Variants in ABCC3 observed in about 807,000 individuals in gnomAD.
The protein encoded by ABCC3 is ATP binding cassette subfamily C member 3.
Under a neutral mutation model 165.3 loss-of-function variants are expected in ABCC3, and 121 were observed. That is an observed-to-expected ratio of 0.73 (90% CI 0.63 to 0.85). The LOEUF is 0.85. ABCC3 is among the 40% of genes least tolerant of loss of function. ABCC3 has a pLI of 0.00. For missense variants in ABCC3, 1,869 were observed against 1,964.1 expected (o/e 0.95, Z 0.92); for synonymous variants, 733 against 810.1 (o/e 0.90, Z 1.62).
rs540393502 is a variant in ABCC3, at chr17:50,649,738, AAGAG to A, written c.46-6084_46-6081del. 2.3e-3 allele frequency among the ~76,000 whole-genome samples: 353 copies of A among 150,810 alleles called. 1 individual carries two copies. Among genetic ancestry groups the A allele is most frequent in the African/African-American group, 7.5e-3 (307 of 41,182 alleles). On this transcript the variant is annotated intron_variant, in intron 1 of 30. Transcript: ENST00000285238. Reference sequence around the variant, plus strand: ...GAAAGAAGGAAGGAAGGAAGGAAGAAAGAGAGAGAGAGAAAGGAAGGAAGGAAGG... The same window carrying A: ...GAAAGAAGGAAGGAAGGAAGGAAGAAAGAGAGAGAAAGGAAGGAAGGAAGG...
At chr17:50,635,181 G>A in intron 1 of ABCC3, 200 bp downstream of exon 1, 1 of 570,050 alleles carries the variant, frequency 1.8e-6, no homozygotes, top group Non-Finnish European at 2.9e-6. Flanking sequence ...CGCGGTGTCG[G>A]GGACCTGCCC....
chr17:50,676,367 A>G lies in ABCC3; in HGVS notation c.3157A>G (p.Ile1053Val). 6.2e-7 allele frequency: 1 copy of G among 1,614,040 alleles called. No homozygotes were observed. The highest frequency in any genetic ancestry group is 2.2e-5 in the East Asian group (1 of 44,882). Residue 1053 changes from isoleucine to valine, a missense_variant, in exon 23 of 31, where the codon ATA (isoleucine) becomes GTA (valine). Physicochemically the swap from Ile to Val is conservative, Grantham distance 29. Transcript: ENST00000285238. ...VLHQALLHNK[I>V]RSPQSFFDTT... ...GCACCAGGCACTGCTGCACAACAAG[A>G]TACGCTCGCCACAGTCCTTCTTTGA...
intron 1 of ABCC3, among the ~76,000 whole-genome samples, chr17:50,646,328 A>T (rs1398815493): frequency 6.6e-6 from 1 of 152,154 alleles, no homozygotes. Flanking sequence ...GAAGCAGGAA[A>T]GGCGGGGAGA....
rs777722275 is a variant in ABCC3 at position 50,683,969 on chromosome 17, T to G, written c.3975T>G (p.Thr1325=). 1 of 1,613,354 alleles carries G rather than the reference T, an allele frequency of 6.2e-7. No homozygotes were observed. Among genetic ancestry groups the G allele is most frequent in the Admixed American group, 1.7e-5 (1 of 59,914 alleles). The part of the protein sequence containing the change: ...GGEKVGIVGR[T]GAGKSSMTLC... ...CCCAGGTGGGGATCGTGGGCCGCACTGGGGCTGGCAAGTCTTCCATGACCC... is the reference window on the plus strand; with the variant it reads ...CCCAGGTGGGGATCGTGGGCCGCACGGGGGCTGGCAAGTCTTCCATGACCC... The change falls in exon 28 of 31, where the codon ACT becomes ACG. Residue 1325 remains threonine (T), a synonymous_variant. Coordinates refer to ENST00000285238, the MANE Select transcript of ABCC3 (RefSeq NM_003786.4).
At chr17:50,688,686 A>G (rs1968066822) in intron 30 of ABCC3, among the ~76,000 whole-genome samples, 1 of 152,128 alleles carries the variant, frequency 6.6e-6, no homozygotes, top group Non-Finnish European at 1.5e-5. Context: ...GAGGAGTTCA[A>G]GACCAGCCTG....
rs771617517 is a variant in ABCC3, at chr17:50,656,704, C to T, written c.225C>T (p.Val75=). 1.9e-6 allele frequency: 3 copies of T among 1,611,832 alleles called. No individual in the cohort carries two copies. Among genetic ancestry groups the T allele is most frequent in the South Asian group, 1.1e-5 (1 of 90,674 alleles). The part of the protein sequence containing the change: ...ILSHLSKLKM[V]LGVLLWCVSW... ...TCCAACCTGTGCTCTCTTCGCAGGT[C>T]CTGGGTGTCCTGCTGTGGTGCGTCT... The change falls in exon 3 of 31, where the codon GTC becomes GTT. Residue 75 remains valine (V), a splice_region_variant and synonymous_variant. Transcript: ENST00000285238.
At chr17:50,656,093 T>C in intron 2 of ABCC3, 85 bp downstream of exon 2, 1 of 1,113,570 alleles carries the variant, frequency 9.0e-7, no homozygotes, top group Non-Finnish European at 1.2e-6. Context: ...ATTAATTAAT[T>C]AATTAATTTA....
chr17:50,690,042 A>C (rs546352126), intron 30 of ABCC3, among the ~76,000 whole-genome samples: 1 of 152,304 alleles, frequency 6.6e-6, no homozygotes, highest in East Asian at 1.9e-4. Context: ...TTCTCCTGTA[A>C]GGAAGGGATG....
chr17:50,652,681 C>A (rs933193672), intron 1 of ABCC3, among the ~76,000 whole-genome samples: 2 of 152,190 alleles, frequency 1.3e-5, no homozygotes, highest in Non-Finnish European at 2.9e-5. Flanking sequence ...ATGAAGTTAG[C>A]CACCGTCCCA....
intron 1 of ABCC3, among the ~76,000 whole-genome samples, chr17:50,647,719 T>G (rs1380572888): frequency 6.6e-6 from 1 of 152,174 alleles, no homozygotes; most frequent in Non-Finnish European, 1.5e-5. Flanking sequence ...AGGTCCTGCA[T>G]AAAGTCTGAA....
At position 50,675,663 on chromosome 17, in the gene ABCC3, G is replaced by A. The variant is rs774257178; in HGVS notation, c.2747G>A (p.Gly916Glu). 2 of 1,572,536 alleles carry A rather than the reference G, an allele frequency of 1.3e-6. No individual in the cohort carries two copies. Among genetic ancestry groups the A allele is most frequent in the Non-Finnish European group, 1.7e-6 (2 of 1,159,024 alleles). ...AGTGCCCTGTCCTCAGATGGGGAGGGACAGGGTCGGCCTGTACCCCGGAGG... is the reference window on the plus strand; with the variant it reads ...AGTGCCCTGTCCTCAGATGGGGAGGAACAGGGTCGGCCTGTACCCCGGAGG... ...QLSALSSDGE[G>E]QGRPVPRRHL... The change falls in exon 21 of 31, where the codon GGA (glycine) becomes GAA (glutamate). Residue 916 changes from glycine to glutamate, a missense_variant. Physicochemically the swap from Gly to Glu is moderately conservative, Grantham distance 98 (BLOSUM62 -2). Coordinates refer to ENST00000285238, the MANE Select transcript of ABCC3 (RefSeq NM_003786.4).
rs1015932184 is a variant in ABCC3, at chr17:50,673,079, C to T, written c.2350C>T (p.His784Tyr). Reference sequence around the variant, plus strand: ...TGACCCACTGTCCGCGGTGGACTCTCATGTGGCCAAGCACATCTTTGACCA... The same window carrying T: ...TGACCCACTGTCCGCGGTGGACTCTTATGTGGCCAAGCACATCTTTGACCA... Reference protein sequence around the residue: ...LDDPLSAVDSHVAKHIFDHVI... With the variant: ...LDDPLSAVDSYVAKHIFDHVI... Residue 784 changes from histidine (H) to tyrosine (Y), a missense_variant, in exon 18 of 31, where the codon CAT becomes TAT. Physicochemically the swap from His to Tyr is moderately conservative, Grantham distance 83. Coordinates refer to ENST00000285238, the MANE Select transcript of ABCC3 (RefSeq NM_003786.4). 8.1e-6 allele frequency: 13 copies of T among 1,614,142 alleles called. No homozygotes were observed. In the Admixed American group the frequency reaches 2.2e-4, roughly 27 times the overall value.
chr17:50,676,274 A>T lies in ABCC3; in HGVS notation c.3068-4A>T. On this transcript the variant is annotated splice_region_variant and splice_polypyrimidine_tract_variant and intron_variant, in intron 22 of 30. Coordinates refer to ENST00000285238, the MANE Select transcript of ABCC3 (RefSeq NM_003786.4). ...GAGCCAGCGCCCTCTGCCTTCTCCA[A>T]CAGGGTTCTTGGTGATGCTGGCAGC... 1 of 1,610,040 alleles carries T rather than the reference A, an allele frequency of 6.2e-7. No homozygotes were observed.
chr17:50,643,754 G>A (rs950238796), intron 1 of ABCC3: 1 of 394,584 alleles, frequency 2.5e-6, no homozygotes, highest in African/African-American at 2.1e-5. Context: ...TGAGCAAGGG[G>A]GTAGGAGCAA....
chr17:50,681,575 C>T (rs900732061), intron 26 of ABCC3, among the ~76,000 whole-genome samples: 6 of 152,106 alleles, frequency 3.9e-5, no homozygotes, highest in African/African-American at 1.4e-4. Context: ...CACTCCACTG[C>T]CCCATTTCTC....
At position 50,663,707 on chromosome 17, in the gene ABCC3, C is replaced by T. The variant is rs1967450195; in HGVS notation, c.1025C>T (p.Pro342Leu). Residue 342 changes from proline (P) to leucine (L), a missense_variant, in exon 9 of 31, where the codon CCC becomes CTC. By Grantham distance (98) the Pro-to-Leu change is moderately conservative. Coordinates refer to ENST00000285238, the MANE Select transcript of ABCC3 (RefSeq NM_003786.4). ...LSILIRFISN[P>L]MAPSWWGFLV... Reference sequence around the variant, plus strand: ...ATCCTGATCAGGTTTATCTCCAACCCCATGGCCCCCTCCTGGTGGGGCTTC... The same window carrying T: ...ATCCTGATCAGGTTTATCTCCAACCTCATGGCCCCCTCCTGGTGGGGCTTC... The T allele has an allele frequency of 6.2e-7, 1 of 1,614,072 alleles. No homozygotes were observed. Among genetic ancestry groups the T allele is most frequent in the Admixed American group, 1.7e-5 (1 of 60,010 alleles).
chr17:50,657,329 C>G, intron 4 of ABCC3, 146 bp downstream of exon 4: 5 of 1,171,998 alleles, frequency 4.3e-6, no homozygotes, highest in African/African-American at 1.5e-5. Context: ...TGCTACATTT[C>G]TACCTGGAAG....
chr17:50,684,221 G>A (rs1198141563), intron 28 of ABCC3, 114 bp downstream of exon 28: 11 of 1,374,656 alleles, frequency 8.0e-6, no homozygotes, highest in Non-Finnish European at 1.1e-5. Flanking sequence ...GCTTGGGCAG[G>A]TGGGGAGGGA....
At chr17:50,672,460 A>G (rs1244756050) in intron 17 of ABCC3, among the ~76,000 whole-genome samples, 2 of 152,166 alleles carry the variant, frequency 1.3e-5, no homozygotes, top group Non-Finnish European at 2.9e-5. Context: ...GTGGTGACCA[A>G]TGGAGCAGAA....
Sources: gnomAD v4.1 joint callset for allele counts (sites outside exome capture counted in the v4.1 genomes callset) on GRCh38, gnomAD v4.1.1 for gene constraint, MANE v1.5 for transcripts, NCBI Gene and HGNC (gene_info 2026-07-23, HGNC 2026-07-21) for gene names.